Variants in MOK observed in about 807,000 individuals in gnomAD.
MOK encodes the protein MAPK/MAK/MRK overlapping kinase.
In MOK, 59 loss-of-function variants were observed where a neutral mutation model predicts 54.2. The ratio of observed to expected loss-of-function variants is 1.09; its 90% CI spans 0.88 to 1.35. MOK has a LOEUF of 1.35. Among genes scored for constraint, MOK ranks in the 40% most tolerant of loss-of-function variants. The pLI is 0.00. For missense variants in MOK, 517 were observed against 526.2 expected, an observed-to-expected ratio of 0.98 and a Z score of 0.17; for synonymous variants, 210 against 202.7, an observed-to-expected ratio of 1.04 and a Z score of -0.31.
chr14:102,237,574 C>G (rs1009148118), intron 7 of MOK, among the ~76,000 whole-genome samples: 3 of 152,220 alleles, frequency 2.0e-5, no homozygotes, highest in African/African-American at 7.2e-5. Context: ...CAGTGAGCCT[C>G]TAAATCCCTC....
At chr14:102,248,649 G>A (rs2066284966) in intron 7 of MOK, among the ~76,000 whole-genome samples, 1 of 151,878 alleles carries the variant, frequency 6.6e-6, no homozygotes, top group Non-Finnish European at 1.5e-5. Flanking sequence ...GTGCTGGCGG[G>A]TGCCTGTAGT....
chr14:102,269,348 G>C (rs993623579), intron 2 of MOK, among the ~76,000 whole-genome samples: 1 of 152,058 alleles, frequency 6.6e-6, no homozygotes, highest in East Asian at 1.9e-4. Flanking sequence ...CACTATCCCA[G>C]GCTATTTTTG....
At chr14:102,246,514 C>T (rs927848600) in intron 7 of MOK, among the ~76,000 whole-genome samples, 1 of 152,112 alleles carries the variant, frequency 6.6e-6, no homozygotes, top group Non-Finnish European at 1.5e-5. Context: ...CTAAAAAACT[C>T]CAATTCCTCT....
downstream of MOK, among the ~76,000 whole-genome samples, chr14:102,220,315 AACCTGAAAAGTGCCATAACGTGTCAAC>A (rs1214581552): frequency 1.1e-4 from 17 of 152,242 alleles, no homozygotes; most frequent in Non-Finnish European, 5.9e-5. The surrounding 1 kb of genome is among the most constrained non-coding windows in gnomAD (Gnocchi z 4.2). Flanking sequence ...GGGCCAGTCC[AACCTGAAAAGTGCCATAACGTGTCAAC>A]CACACAGCAC....
In MOK at chr14:102,235,116, C is replaced by T. The variant is rs1415334487; in HGVS notation, c.591-1327G>A. The T allele has an allele frequency of 6.6e-6, 1 of 152,212 alleles. No homozygotes were observed. The highest frequency in any genetic ancestry group is 1.5e-5 in the Non-Finnish European group (1 of 68,062). 9.4% of individuals were successfully genotyped at this position (152,212 alleles called of 1,614,324 possible). A position where few individuals can be genotyped will look rare whatever the true frequency, so the allele number is the denominator to read the frequency against. On this transcript the variant is annotated intron_variant, in intron 7 of 11. Coordinates refer to ENST00000361847, the MANE Select transcript of MOK (RefSeq NM_014226.3). This position sits in a 1 kb window ranked among gnomAD's most constrained non-coding sequence, Gnocchi z 4.4. The stretch of plus-strand genomic sequence containing the variant: ...GCTCTACCTCTCTCTCCCCTTCTCT[C>T]CAACCACCCCACCTCCGACTCTGAG...
chr14:102,253,291 G>C (rs943582369), intron 4 of MOK, among the ~76,000 whole-genome samples: 2 of 152,242 alleles, frequency 1.3e-5, no homozygotes, highest in African/African-American at 2.4e-5. Flanking sequence ...ACATGCGTCA[G>C]CTCTGTGAAC....
rs574953908 is a variant in MOK at position 102,304,845 on chromosome 14, G to C, written c.7+117C>G. 8.2e-6 allele frequency: 10 copies of C among 1,214,462 alleles called. No individual in the cohort carries two copies. In the African/African-American group the frequency reaches 1.4e-4, roughly 16 times the overall value. The allele number at this position is 1,214,462 out of a possible 1,614,324, so 75.2% of individuals were successfully genotyped here. On this transcript the variant is annotated intron_variant, in intron 1 of 11. Transcript: ENST00000361847. ...GAGCCTCCCGGGCCTGTCGAGCCACGGCAGAAGGCGACGACGCCCGGCCCC... is the reference window on the plus strand; with the variant it reads ...GAGCCTCCCGGGCCTGTCGAGCCACCGCAGAAGGCGACGACGCCCGGCCCC...
chr14:102,222,743 C>T (rs1567111293), downstream of MOK: 1 of 1,447,054 alleles, frequency 6.9e-7, no homozygotes, highest in Non-Finnish European at 9.7e-7. This position sits in a 1 kb window ranked among gnomAD's most constrained non-coding sequence, Gnocchi z 4.4. Flanking sequence ...CAGTTTTGAC[C>T]ACGTGGAGCT....
In MOK at chr14:102,286,014, TCCGGG is replaced by T. The variant is rs894883573; in HGVS notation, c.8-2427_8-2423del. On this transcript the variant is annotated intron_variant, in intron 1 of 11. Transcript: ENST00000361847. Reference sequence around the variant, plus strand: ...AGCTATTAAATCTTTAAGATGTGCATCCGGGCCGGGCGCGGTGGCTCACGCCTGTA... The same window carrying T: ...AGCTATTAAATCTTTAAGATGTGCATCCGGGCGCGGTGGCTCACGCCTGTA... Among the ~76,000 whole-genome samples, 8 of 152,008 alleles carry T rather than the reference TCCGGG, an allele frequency of 5.3e-5. No individual in the cohort carries two copies. In the East Asian group the frequency reaches 1.5e-3, roughly 29 times the overall value.
At position 102,232,503 on chromosome 14, in the gene MOK, A is replaced by C; in HGVS notation, c.866+32T>G. The C allele has an allele frequency of 6.3e-7, 1 of 1,598,042 alleles. No homozygotes were observed. Among genetic ancestry groups the C allele is most frequent in the South Asian group, 1.1e-5 (1 of 89,424 alleles). On this transcript the variant is annotated intron_variant, in intron 9 of 11. Coordinates refer to ENST00000361847, the MANE Select transcript of MOK (RefSeq NM_014226.3). This position sits in a 1 kb window ranked among gnomAD's most constrained non-coding sequence, Gnocchi z 5.1. Reference sequence around the variant, plus strand: ...ATGGGTCTCATTTGCCAGGTCCTGCATCTGCCCCACCGAACCCACGAGAGT... The same window carrying C: ...ATGGGTCTCATTTGCCAGGTCCTGCCTCTGCCCCACCGAACCCACGAGAGT...
chr14:102,257,025 C>T (rs1314443624), intron 4 of MOK, among the ~76,000 whole-genome samples: 1 of 151,756 alleles, frequency 6.6e-6, no homozygotes, highest in East Asian at 1.9e-4. Flanking sequence ...CATCCCTTCC[C>T]CAGGCTCCCA....
intron 1 of MOK, among the ~76,000 whole-genome samples, chr14:102,298,018 G>A (rs185930072): frequency 1.1e-4 from 16 of 152,274 alleles, no homozygotes; most frequent in Admixed American, 3.3e-4. Flanking sequence ...GAGGAGCACC[G>A]CCCCCTGCTC....
At position 102,228,841 on chromosome 14, in the gene MOK, T is replaced by C. The variant is rs11847279; in HGVS notation, c.*448A>G. On this transcript the variant is annotated 3_prime_UTR_variant, in exon 12 of 12. Transcript: ENST00000361847. ...CGGAAAACATTAAAATGCAATACTG[T>C]AACGACAGCTTATTCTTTAATAAAA... 3,980 of 168,494 alleles carry C rather than the reference T, an allele frequency of 0.024. 71 individuals carry two copies. The highest frequency in any genetic ancestry group is 0.048 in the African/African-American group (2,030 of 41,980). The allele number at this position is 168,494 out of a possible 1,614,324, so 10.4% of individuals were successfully genotyped here.
At chr14:102,223,051 C>T (rs776236165), downstream of MOK, 6 of 660,244 alleles carry the variant, frequency 9.1e-6, no homozygotes, top group Non-Finnish European at 1.5e-5. Context: ...CGTGCTCCCG[C>T]TGCTCACCCA....
intron 1 of MOK, among the ~76,000 whole-genome samples, chr14:102,303,778 G>A (rs1161334052): frequency 6.6e-6 from 1 of 152,192 alleles, no homozygotes; most frequent in Admixed American, 6.6e-5. Context: ...ACATAAATGG[G>A]AGAGAGAAAA....
chr14:102,302,897 C>T (rs910028401), intron 1 of MOK, among the ~76,000 whole-genome samples: 6 of 151,256 alleles, frequency 4.0e-5, no homozygotes, highest in Admixed American at 3.3e-4. Context: ...CACAGTGGCT[C>T]GCGTCTGTAA....
In MOK at chr14:102,231,510, G is replaced by A; in HGVS notation, c.981+197C>T. ...ATTCTTAGCTACTGGGGCAGAAAGG[G>A]CTTGAGCAAATAGAACTGGGGTCCC... On this transcript the variant is annotated intron_variant, in intron 10 of 11. Coordinates refer to ENST00000361847, the MANE Select transcript of MOK (RefSeq NM_014226.3). The surrounding 1 kb of genome is among the most constrained non-coding windows in gnomAD (Gnocchi z 4.4). 5.5e-6 allele frequency: 3 copies of A among 542,350 alleles called. No homozygotes were observed. The highest frequency in any genetic ancestry group is 1.9e-5 in the African/African-American group (1 of 52,640). 33.6% of individuals were successfully genotyped at this position (542,350 alleles called of 1,614,324 possible).
the MOK span, among the ~76,000 whole-genome samples, chr14:102,216,511 C>A: frequency 6.6e-6 from 1 of 152,142 alleles, no homozygotes; most frequent in African/African-American, 2.4e-5. Flanking sequence ...GTTGCCCAGG[C>A]TAGCACTGAG....
At chr14:102,252,174 C>T (rs747006860) in intron 4 of MOK, among the ~76,000 whole-genome samples, 179 bp from the exon 5 acceptor site, 14 of 152,040 alleles carry the variant, frequency 9.2e-5, no homozygotes, top group Non-Finnish European at 2.1e-4. Flanking sequence ...ATTTAAAATT[C>T]CATATACTGG....
Sources: allele counts gnomAD v4.1 joint callset (sites outside exome capture counted in the v4.1 genomes callset), GRCh38; gene constraint gnomAD v4.1.1; non-coding constraint Gnocchi (gnomAD v3.1); transcripts MANE v1.5; gene names NCBI Gene and HGNC (gene_info 2026-07-23, HGNC 2026-07-21).